The following ZFAND3 variants were observed in gnomAD, a reference collection of about 807,000 sequenced individuals.
ZFAND3 encodes AN1-type zinc finger protein 3.
In ZFAND3, 10 loss-of-function variants were observed where a neutral mutation model predicts 29.6. That is an observed-to-expected ratio of 0.34 (90% CI 0.21 to 0.57). The LOEUF (loss-of-function observed/expected upper bound fraction) is 0.57. ZFAND3 is among the 20% of genes least tolerant of loss of function. The pLI, the probability that ZFAND3 is intolerant of heterozygous loss-of-function variation, is 0.86. For missense variants in ZFAND3, 230 were observed against 304.5 expected, an observed-to-expected ratio of 0.76 and a Z score of 1.82; for synonymous variants, 128 against 112.6, an observed-to-expected ratio of 1.14 and a Z score of -0.87.
In ZFAND3 at chr6:37,992,247, A is replaced by G. The variant is rs565310275; in HGVS notation, c.112+62248A>G. 7.9e-5 allele frequency among the ~76,000 whole-genome samples: 12 copies of G among 152,294 alleles called. No homozygotes were observed. The South Asian group carries it at 1.0e-3, about 13-fold the overall frequency. On this transcript the variant is annotated intron_variant, in intron 2 of 5. Transcript: ENST00000287218. ...AAGGAATTTTTTGTCTTTGCTGCCC[A>G]TCATGTATCAGCATTTAATTTATCT...
chr6:37,939,452 A>G (rs768752397), intron 2 of ZFAND3, among the ~76,000 whole-genome samples: 1 of 152,176 alleles, frequency 6.6e-6, no homozygotes, highest in South Asian at 2.1e-4. Flanking sequence ...TCTCATCTGG[A>G]AATCCTTAAC....
intron 3 of ZFAND3, among the ~76,000 whole-genome samples, chr6:38,062,924 C>T (rs968164116): frequency 2.3e-5 from 3 of 133,144 alleles, no homozygotes; most frequent in Non-Finnish European, 3.3e-5. Flanking sequence ...TTGTCTCTAC[C>T]AAAAAAAAAA....
intron 4 of ZFAND3, among the ~76,000 whole-genome samples, chr6:38,110,065 A>G (rs1765283996): frequency 6.6e-6 from 1 of 152,174 alleles, no homozygotes; most frequent in Non-Finnish European, 1.5e-5. Flanking sequence ...TTTGTGAACA[A>G]CTGACTTTTT....
At chr6:37,960,292 T>C (rs1369266384) in intron 2 of ZFAND3, among the ~76,000 whole-genome samples, 1 of 152,206 alleles carries the variant, frequency 6.6e-6, no homozygotes, top group Non-Finnish European at 1.5e-5. Context: ...GTAATTCAGA[T>C]TCATACTTAG....
intron 2 of ZFAND3, among the ~76,000 whole-genome samples, chr6:38,021,569 A>G (rs996518773): frequency 2.6e-4 from 40 of 152,188 alleles, no homozygotes; most frequent in African/African-American, 7.0e-4. Context: ...CCTTCTTCCA[A>G]TCAGCAACGA....
intron 1 of ZFAND3, among the ~76,000 whole-genome samples, chr6:37,838,575 T>A (rs561648020): frequency 1.3e-5 from 2 of 152,376 alleles, no homozygotes; most frequent in East Asian, 3.9e-4. Flanking sequence ...AGTGGAATCA[T>A]ACCATATATG....
intron 3 of ZFAND3, among the ~76,000 whole-genome samples, chr6:38,067,246 G>T (rs77446542): frequency 0.067 from 10,163 of 152,206 alleles, 407 homozygotes; most frequent in Non-Finnish European, 0.087. Flanking sequence ...TCTGTATTTG[G>T]TTGAAAAAAA....
At chr6:37,909,440 C>T (rs1210677966) in intron 1 of ZFAND3, among the ~76,000 whole-genome samples, 1 of 151,596 alleles carries the variant, frequency 6.6e-6, no homozygotes, top group Non-Finnish European at 1.5e-5. Flanking sequence ...CCACCATGCC[C>T]AGCTAATTTT....
chr6:37,979,925 T>C (rs1762551912), intron 2 of ZFAND3, among the ~76,000 whole-genome samples: 1 of 152,198 alleles, frequency 6.6e-6, no homozygotes, highest in Middle Eastern at 3.2e-3. Context: ...ATGTGAGCCT[T>C]TGTTAAAAAA....
chr6:38,132,528 T>C (rs1348374701), intron 5 of ZFAND3, among the ~76,000 whole-genome samples: 2 of 152,072 alleles, frequency 1.3e-5, no homozygotes, highest in African/African-American at 4.8e-5. Flanking sequence ...AATACATGGG[T>C]TCTTCGGAGG....
chr6:37,969,632 C>T (rs557019796), intron 2 of ZFAND3, among the ~76,000 whole-genome samples: 2 of 152,262 alleles, frequency 1.3e-5, no homozygotes, highest in South Asian at 2.1e-4. Context: ...AAGTATGTAA[C>T]TCAAACCATT....
At chr6:37,954,220 G>A (rs1407429847) in intron 2 of ZFAND3, among the ~76,000 whole-genome samples, 3 of 75,992 alleles carry the variant, frequency 3.9e-5, no homozygotes, top group Non-Finnish European at 9.8e-5. Context: ...TCCTATGCTT[G>A]GAGTTCATTG....
intron 2 of ZFAND3, among the ~76,000 whole-genome samples, chr6:38,020,797 G>C (rs1763335423): frequency 6.6e-6 from 1 of 152,124 alleles, no homozygotes; most frequent in Non-Finnish European, 1.5e-5. Context: ...TAAGCACACT[G>C]CCAGGATATG....
intron 2 of ZFAND3, among the ~76,000 whole-genome samples, chr6:38,055,492 A>G (rs1015746855): frequency 1.3e-5 from 2 of 152,212 alleles, no homozygotes; most frequent in African/African-American, 2.4e-5. Context: ...AGGAGGGAGC[A>G]GGTTTGCCCA....
intron 3 of ZFAND3, among the ~76,000 whole-genome samples, chr6:38,066,191 G>A (rs992504518): frequency 3.0e-4 from 45 of 152,182 alleles, no homozygotes; most frequent in African/African-American, 9.7e-4. Flanking sequence ...AGAATATGGC[G>A]TAAGAAAAGT....
intron 2 of ZFAND3, among the ~76,000 whole-genome samples, chr6:37,998,923 A>G (rs1359626783): frequency 2.6e-5 from 4 of 152,188 alleles, no homozygotes; most frequent in Admixed American, 2.6e-4. Flanking sequence ...ATACACATAT[A>G]TTTCCTTGCT....
chr6:37,971,091 C>T (rs1581801646), intron 2 of ZFAND3, among the ~76,000 whole-genome samples: 1 of 152,226 alleles, frequency 6.6e-6, no homozygotes, highest in Admixed American at 6.5e-5. Flanking sequence ...ATATTCCTTT[C>T]AACATCAGGA....
chr6:38,138,466 C>T (rs568038687), intron 5 of ZFAND3, among the ~76,000 whole-genome samples: 2 of 151,928 alleles, frequency 1.3e-5, no homozygotes, highest in East Asian at 1.9e-4. Flanking sequence ...GGGAGGGGGA[C>T]GGCTTGGAGG....
intron 2 of ZFAND3, among the ~76,000 whole-genome samples, chr6:38,054,000 A>T (rs1764083770): frequency 6.6e-6 from 1 of 151,998 alleles, no homozygotes; most frequent in Non-Finnish European, 1.5e-5. Context: ...AATAGGGAAC[A>T]TAGGATAGGA....
Sources: allele counts gnomAD v4.1 joint callset (sites outside exome capture counted in the v4.1 genomes callset), GRCh38; gene constraint gnomAD v4.1.1; transcripts MANE v1.5; gene names NCBI Gene and HGNC (gene_info 2026-07-23, HGNC 2026-07-21).